PQBP1: variants seen among roughly 807,000 people sequenced by gnomAD.
The protein encoded by PQBP1 is polyglutamine-binding protein 1.
Under a neutral mutation model 20.9 loss-of-function variants are expected in PQBP1, and 3 were observed. The ratio of observed to expected loss-of-function variants is 0.14; its 90% confidence interval spans 0.07 to 0.37. PQBP1 has a LOEUF of 0.37. Among genes scored for constraint, PQBP1 ranks in the 10% least tolerant of loss-of-function variants. The probability of loss-of-function intolerance (pLI) is 1.00; values close to 1 mark genes in which losing one functional copy is unlikely to be tolerated. For synonymous variants in PQBP1, 83 were observed against 93.8 expected (o/e 0.88, Z 0.67); for missense variants, 162 against 240.3 (o/e 0.67, Z 2.16).
In PQBP1 at chrX:48,897,980, T is replaced by C; in HGVS notation, c.-121T>C. ...AAGGCCTCGTTGAGAGAAGGTCTCA[T>C]TCGGTGTTTTGGGAAGAGAGTCGTG... On this transcript the variant is annotated 5_prime_UTR_variant, in exon 1 of 7. Coordinates refer to ENST00000447146, the MANE Select transcript of PQBP1 (RefSeq NM_001032382.2). 1 of 922,471 alleles carries C rather than the reference T, an allele frequency of 1.1e-6. No individual in the cohort carries two copies. The highest frequency in any genetic ancestry group is 1.4e-6 in the Non-Finnish European group (1 of 693,828). The allele number at this position is 922,471 out of a possible 1,213,427, so 76.0% of individuals were successfully genotyped here. A position where few individuals can be genotyped will look rare whatever the true frequency, so the allele number is the denominator to read the frequency against.
In PQBP1 at chrX:48,901,269, A is replaced by G; in HGVS notation, c.147A>G (p.Pro49=). The G allele has an allele frequency of 8.3e-7, 1 of 1,207,998 alleles. No homozygotes were observed. Among genetic ancestry groups the G allele is most frequent in the Non-Finnish European group, 1.1e-6 (1 of 893,759 alleles). ...AGGCCACCAGGTTGGAGGGCCTACC[A>G]CCAAGCTGGTACAAGGTGTTCGACC... ...DYEATRLEGL[P]PSWYKVFDPS... The change falls in exon 3 of 7, where the codon CCA becomes CCG. Residue 49 remains proline (P), a synonymous_variant. Coordinates refer to ENST00000447146, the MANE Select transcript of PQBP1 (RefSeq NM_001032382.2).
intron 2 of PQBP1, among the ~76,000 whole-genome samples, chrX:48,900,621 A>T (rs782421723): frequency 9.1e-6 from 1 of 109,992 alleles, no homozygotes; most frequent in South Asian, 3.9e-4. Flanking sequence ...CAGTGGCACG[A>T]TAATAGCTCA....
intron 1 of PQBP1, 145 bp downstream of exon 1, chrX:48,898,227 T>C (rs1443996105): frequency 1.1e-6 from 1 of 936,393 alleles, no homozygotes; most frequent in Non-Finnish European, 1.5e-6. Context: ...GCCGGGCTTC[T>C]TAGGCTGTGG....
In PQBP1 at chrX:48,898,013, A is replaced by G. The variant is rs868990177; in HGVS notation, c.-88A>G. The stretch of plus-strand genomic sequence containing the variant: ...TTTGGGAAGAGAGTCGTGTGGGCCC[A>G]GGTATCGTAGCGGCGACACGAGAGA... On this transcript the variant is annotated 5_prime_UTR_variant, in exon 1 of 7. Transcript: ENST00000447146. 1.0e-6 allele frequency: 1 copy of G among 988,148 alleles called. No individual in the cohort carries two copies. The highest frequency in any genetic ancestry group is 3.5e-4 in the Middle Eastern group (1 of 2,830). 81.4% of individuals were successfully genotyped at this position (988,148 alleles called of 1,213,427 possible). A position where few individuals can be genotyped will look rare whatever the true frequency, so the allele number is the denominator to read the frequency against.
Position 48,902,915 on chromosome X carries a change from C to T in PQBP1, c.642-13C>T. 8.4e-7 allele frequency: 1 copy of T among 1,194,973 alleles called. No homozygotes were observed. The highest frequency in any genetic ancestry group is 1.8e-5 in the South Asian group (1 of 54,675). ...CATCACCCATCCCCATCCCCTGACT[C>T]TTTCACCGGCAGGGGCACGTGGTCA... On this transcript the variant is annotated splice_polypyrimidine_tract_variant and intron_variant, in intron 6 of 6. Coordinates refer to ENST00000447146, the MANE Select transcript of PQBP1 (RefSeq NM_001032382.2).
At position 48,898,490 on chromosome X, in the gene PQBP1, A is replaced by G; in HGVS notation, c.-18-2A>G. The G allele has an allele frequency of 8.3e-7, 1 of 1,208,036 alleles. No individual in the cohort carries two copies. Among genetic ancestry groups the G allele is most frequent in the East Asian group, 3.0e-5 (1 of 33,823 alleles). ...CTTGTCAGTTTGTTCGTCTGTCCCT[A>G]GGTCTGTCTGCTATCAGCTATGCCG... is the stretch of plus-strand genomic sequence containing the variant. On this transcript the variant is annotated splice_acceptor_variant, in intron 1 of 6. Transcript: ENST00000447146. LOFTEE classifies it low-confidence loss of function (5UTR_SPLICE).
rs782779470 is a variant in PQBP1, at chrX:48,901,219, T to C, written c.97T>C (p.Tyr33His). The C allele has an allele frequency of 2.5e-6, 3 of 1,210,115 alleles. No individual in the cohort carries two copies. Among genetic ancestry groups the C allele is most frequent in the Non-Finnish European group, 3.4e-6 (3 of 894,850 alleles). Residue 33 changes from tyrosine (Y) to histidine (H), a missense_variant, in exon 3 of 7, where the codon TAT becomes CAT. Transcript: ENST00000447146. Reference protein sequence around the residue: ...EPEEEIIAEDYDDDPVDYEAT... With the variant: ...EPEEEIIAEDHDDDPVDYEAT... ...AGAGGAAGAGATCATTGCCGAGGAC[T>C]ATGACGATGATCCTGTGGACTACGA...
chrX:48,901,159 T>G (rs2063403395), intron 2 of PQBP1, 31 bp from the exon 3 acceptor site: 2 of 1,196,218 alleles, frequency 1.7e-6, no homozygotes, highest in Non-Finnish European at 2.3e-6. Flanking sequence ...GGTCCTTATC[T>G]GCTCTCCTCA....
chrX:48,901,952 G>A lies in PQBP1; in HGVS notation c.202G>A (p.Ala68Thr). The change falls in exon 4 of 7, where the codon GCA becomes ACA. Residue 68 changes from alanine (A) to threonine (T), a missense_variant. Ala to Thr is a moderately conservative substitution (Grantham distance 58, BLOSUM62 0). Transcript: ENST00000447146. ...PSCGLPYYWN[A>T]DTDLVSWLSP... is the part of the protein sequence containing the mutation. Reference sequence around the variant, plus strand: ...CAGCGGGCTCCCTTACTACTGGAATGCAGACACAGACCTTGTATCCTGGCT... The same window carrying A: ...CAGCGGGCTCCCTTACTACTGGAATACAGACACAGACCTTGTATCCTGGCT... The A allele has an allele frequency of 8.3e-7, 1 of 1,211,894 alleles. No individual in the cohort carries two copies. Among genetic ancestry groups the A allele is most frequent in the Admixed American group, 2.2e-5 (1 of 46,024 alleles).
In PQBP1 at chrX:48,901,309, T is replaced by C; in HGVS notation, c.179+8T>C. ...GGTGTTCGACCCTTCCTGGTGAGCC[T>C]GGGTGAGGGGGAGCTAACTTCTGGC... On this transcript the variant is annotated splice_region_variant and intron_variant, in intron 3 of 6. Coordinates refer to ENST00000447146, the MANE Select transcript of PQBP1 (RefSeq NM_001032382.2). 2 of 1,192,714 alleles carry C rather than the reference T, an allele frequency of 1.7e-6. No homozygotes were observed. Among genetic ancestry groups the C allele is most frequent in the South Asian group, 1.8e-5 (1 of 54,208 alleles).
In PQBP1 at chrX:48,899,426, A is replaced by C. The variant is rs2063367976; in HGVS notation, c.67+850A>C. 2.7e-5 allele frequency among the ~76,000 whole-genome samples: 3 copies of C among 111,371 alleles called. No homozygotes were observed. The South Asian group carries it at 1.1e-3, about 42-fold the overall frequency. The stretch of plus-strand genomic sequence containing the variant: ...AGCAACATGGCAAAACCCCGTCTTT[A>C]CAAAAAATACAAAAATTAATCGTGT... On this transcript the variant is annotated intron_variant, in intron 2 of 6. Coordinates refer to ENST00000447146, the MANE Select transcript of PQBP1 (RefSeq NM_001032382.2).
chrX:48,901,694 G>A, intron 3 of PQBP1: 2 of 521,656 alleles, frequency 3.8e-6, no homozygotes, highest in Non-Finnish European at 6.2e-6. Context: ...GGTCAGGCTG[G>A]TCCCGAACTC....
At position 48,902,054 on chromosome X, in the gene PQBP1, G is replaced by A. The variant is rs2063424663; in HGVS notation, c.292+12G>A. On this transcript the variant is annotated intron_variant, in intron 4 of 6. Transcript: ENST00000447146. ...AAGCAGTAATGCAGGTGAGTTGGCAGGTACAAGCGTGCCTTGAGTGATCTT... is the reference window on the plus strand; with the variant it reads ...AAGCAGTAATGCAGGTGAGTTGGCAAGTACAAGCGTGCCTTGAGTGATCTT... The A allele has an allele frequency of 8.3e-7, 1 of 1,209,506 alleles. No homozygotes were observed. The highest frequency in any genetic ancestry group is 1.8e-5 in the African/African-American group (1 of 56,992).
At chrX:48,901,621 G>A (rs2063414730) in intron 3 of PQBP1, 1 of 468,798 alleles carries the variant, frequency 2.1e-6, no homozygotes, top group Non-Finnish European at 3.6e-6. Flanking sequence ...TGGGATTACA[G>A]GTGCACACCA....
chrX:48,901,068 C>T, intron 2 of PQBP1, 122 bp from the exon 3 acceptor site: 1 of 1,092,591 alleles, frequency 9.2e-7, no homozygotes, highest in Non-Finnish European at 1.2e-6. Context: ...TCCCGGCACA[C>T]ACACACACGT....
chrX:48,898,179 G>T, intron 1 of PQBP1, 97 bp downstream of exon 1: 1 of 1,021,609 alleles, frequency 9.8e-7, no homozygotes, highest in Non-Finnish European at 1.3e-6. Context: ...CGGCAGTCAT[G>T]GGGACGCTGG....
In PQBP1 at chrX:48,903,063, C is replaced by T; in HGVS notation, c.777C>T (p.Ser259=). 1 of 1,208,185 alleles carries T rather than the reference C, an allele frequency of 8.3e-7. No homozygotes were observed. The highest frequency in any genetic ancestry group is 1.1e-6 in the Non-Finnish European group (1 of 893,878). The change falls in exon 7 of 7, where the codon TCC becomes TCT. Residue 259 remains serine (S), a synonymous_variant. Coordinates refer to ENST00000447146, the MANE Select transcript of PQBP1 (RefSeq NM_001032382.2). ...TGCTCCGGGCCAATGCAGAGGCCTC[C>T]CGAACCAAGCAGCAGGATTGAAGCT... ...GAVLRANAEA[S]RTKQQD
chrX:48,901,524 G>A, intron 3 of PQBP1: 1 of 798,907 alleles, frequency 1.3e-6, no homozygotes, highest in South Asian at 2.2e-5. Context: ...TGTAGCCCGG[G>A]CTGGAGTGCA....
At chrX:48,900,199 C>G (rs1313824224) in intron 2 of PQBP1, among the ~76,000 whole-genome samples, 1 of 106,302 alleles carries the variant, frequency 9.4e-6, no homozygotes, top group Admixed American at 1.0e-4. Flanking sequence ...TGCAGTGAGC[C>G]GAGATCATGC....
Sources: allele counts gnomAD v4.1 joint callset (sites outside exome capture counted in the v4.1 genomes callset), GRCh38; gene constraint gnomAD v4.1.1; transcripts MANE v1.5; gene names NCBI Gene and HGNC (gene_info 2026-07-23, HGNC 2026-07-21).